Variants in PTPN5 observed in about 807,000 individuals in gnomAD.
The protein encoded by PTPN5 is tyrosine-protein phosphatase non-receptor type 5.
A neutral mutation model predicts 73.9 loss-of-function variants in PTPN5; 29 were observed. That is an observed-to-expected ratio of 0.39 (90% CI 0.29 to 0.54). PTPN5 has a LOEUF of 0.54. Among genes scored for constraint, PTPN5 ranks in the 20% least tolerant of loss-of-function variants. The probability of loss-of-function intolerance (pLI) is 0.65; values close to 1 mark genes in which losing one functional copy is unlikely to be tolerated. For missense variants in PTPN5, 652 were observed against 751.4 expected (o/e 0.87, Z 1.55); for synonymous variants, 267 against 304.7 (o/e 0.88, Z 1.29).
intron 1 of PTPN5, among the ~76,000 whole-genome samples, chr11:18,781,705 T>C (rs1162420961): frequency 6.6e-6 from 1 of 152,100 alleles, no homozygotes. Context: ...TAATCTTATA[T>C]CAATTTCTTT....
intron 3 of PTPN5, among the ~76,000 whole-genome samples, chr11:18,750,427 G>C (rs117873325): frequency 2.0e-5 from 3 of 152,070 alleles, no homozygotes; most frequent in African/African-American, 4.8e-5. Context: ...CATTCTGCCC[G>C]CCACACCACG....
At chr11:18,773,135 G>A (rs1447546766) in intron 1 of PTPN5, among the ~76,000 whole-genome samples, 2 of 152,240 alleles carry the variant, frequency 1.3e-5, no homozygotes, top group South Asian at 2.1e-4. Flanking sequence ...GGGGTGAACC[G>A]CTCACTTGGA....
chr11:18,740,197 G>A (rs1234158135), intron 8 of PTPN5, among the ~76,000 whole-genome samples: 1 of 152,076 alleles, frequency 6.6e-6, no homozygotes, highest in Non-Finnish European at 1.5e-5. Flanking sequence ...AACGAGGGGA[G>A]GCCACTAGAG....
chr11:18,779,978 G>A lies in PTPN5; in HGVS notation c.-113-7907C>T, dbSNP rs116355064. Among the ~76,000 whole-genome samples, 1,272 of 152,292 alleles carry A rather than the reference G, an allele frequency of 8.4e-3. 19 individuals are homozygous for A. The highest frequency in any genetic ancestry group is 0.029 in the African/African-American group (1,188 of 41,542). On this transcript the variant is annotated intron_variant, in intron 1 of 14. Coordinates refer to ENST00000358540, the MANE Select transcript of PTPN5 (RefSeq NM_006906.2). ...GAAGCGAGGGCTGTACATAGGGAGAGCTTGGCAGTCCTGGGCAGGCCTCCT... is the reference window on the plus strand; with the variant it reads ...GAAGCGAGGGCTGTACATAGGGAGAACTTGGCAGTCCTGGGCAGGCCTCCT...
intron 3 of PTPN5, among the ~76,000 whole-genome samples, chr11:18,745,878 G>A (rs1191617886): frequency 6.6e-6 from 1 of 151,956 alleles, no homozygotes; most frequent in East Asian, 1.9e-4. Context: ...TCAATCCAGG[G>A]CAGTCAGATA....
chr11:18,789,999 A>C (rs1851841493), intron 1 of PTPN5, among the ~76,000 whole-genome samples: 1 of 152,108 alleles, frequency 6.6e-6, no homozygotes, highest in Non-Finnish European at 1.5e-5. Flanking sequence ...GAGACTGAAC[A>C]CTGCCCTCCT....
chr11:18,763,503 A>G (rs747268714), intron 3 of PTPN5, among the ~76,000 whole-genome samples: 3 of 152,204 alleles, frequency 2.0e-5, no homozygotes, highest in Non-Finnish European at 4.4e-5. Context: ...TTCCATGACC[A>G]AAACTCTTCT....
In PTPN5 at chr11:18,728,905, G is replaced by A; in HGVS notation, c.*29C>T. The A allele has an allele frequency of 6.2e-7, 1 of 1,604,404 alleles. No individual in the cohort carries two copies. The highest frequency in any genetic ancestry group is 1.1e-5 in the South Asian group (1 of 89,658). On this transcript the variant is annotated 3_prime_UTR_variant, in exon 15 of 15. Coordinates refer to ENST00000358540, the MANE Select transcript of PTPN5 (RefSeq NM_006906.2). The surrounding 1 kb of genome is among the most constrained non-coding windows in gnomAD (Gnocchi z 4.1). ...AGGGCCGAGACTCAGGCTGGGCAGT[G>A]CCCAGAGAACCTTGTAGGAGAAGCG...
At chr11:18,753,576 T>TA (rs1590547786) in intron 3 of PTPN5, among the ~76,000 whole-genome samples, 2 of 151,912 alleles carry the variant, frequency 1.3e-5, no homozygotes, top group African/African-American at 4.8e-5. Context: ...CACCTTCTCC[T>TA]AGTTTTCTCT....
intron 1 of PTPN5, among the ~76,000 whole-genome samples, chr11:18,786,038 G>A (rs1324226933): frequency 6.6e-6 from 1 of 152,206 alleles, no homozygotes; most frequent in Non-Finnish European, 1.5e-5. Context: ...AGGAAGGAGG[G>A]TGGCTTCTGT....
At chr11:18,744,267 T>C in intron 3 of PTPN5, 68 bp from the exon 4 acceptor site, 1 of 1,351,934 alleles carries the variant, frequency 7.4e-7, no homozygotes, top group East Asian at 2.8e-5. Flanking sequence ...TGCCACCCCT[T>C]TTGGGGTGGC....
At chr11:18,741,665 T>G (rs544142326) in intron 7 of PTPN5, among the ~76,000 whole-genome samples, 2 of 152,126 alleles carry the variant, frequency 1.3e-5, no homozygotes, top group South Asian at 4.2e-4. Context: ...AGGTTCTAAT[T>G]GGGTACCCAG....
chr11:18,785,354 G>A (rs770885234), intron 1 of PTPN5, among the ~76,000 whole-genome samples: 1 of 152,084 alleles, frequency 6.6e-6, no homozygotes, highest in Non-Finnish European at 1.5e-5. Flanking sequence ...ATAAAGCAGG[G>A]GTCAGCCAAC....
chr11:18,784,372 T>C (rs1431072513), intron 1 of PTPN5, among the ~76,000 whole-genome samples: 1 of 151,984 alleles, frequency 6.6e-6, no homozygotes, highest in Non-Finnish European at 1.5e-5. Context: ...TTGAAAACAT[T>C]AGGCTAAGTG....
In PTPN5 at chr11:18,771,997, G is replaced by T; in HGVS notation, c.-39C>A. On this transcript the variant is annotated 5_prime_UTR_variant, in exon 2 of 15. It adds an upstream start codon to the 5' untranslated region. Coordinates refer to ENST00000358540, the MANE Select transcript of PTPN5 (RefSeq NM_006906.2). ...GGATGGGGAAGGGTGCCATCTTCCA[G>T]GGCAGGAAGCTTTCTCAGCAAAAAG... 6.5e-7 allele frequency: 1 copy of T among 1,527,330 alleles called. No homozygotes were observed. Among genetic ancestry groups the T allele is most frequent in the African/African-American group, 1.4e-5 (1 of 69,766 alleles). The allele number at this position is 1,527,330 out of a possible 1,614,324, so 94.6% of individuals were successfully genotyped here. A position where few individuals can be genotyped will look rare whatever the true frequency, so the allele number is the denominator to read the frequency against.
chr11:18,787,627 T>C (rs181774522), intron 1 of PTPN5, among the ~76,000 whole-genome samples: 10 of 152,308 alleles, frequency 6.6e-5, no homozygotes, highest in Admixed American at 4.6e-4. Flanking sequence ...CTTTTTAGAA[T>C]GCTGTTCCCC....
At chr11:18,764,533 C>A (rs1238444795) in intron 3 of PTPN5, among the ~76,000 whole-genome samples, 1 of 152,120 alleles carries the variant, frequency 6.6e-6, no homozygotes, top group Non-Finnish European at 1.5e-5. Flanking sequence ...GAATAAAATA[C>A]CACTTATTTT....
chr11:18,777,977 A>AG, intron 1 of PTPN5, among the ~76,000 whole-genome samples: 1 of 40,276 alleles, frequency 2.5e-5, no homozygotes, highest in South Asian at 1.7e-3. Flanking sequence ...GAAGGAAGGA[A>AG]GAAAGAAAGA....
chr11:18,731,451 G>A (rs920077251), intron 12 of PTPN5, among the ~76,000 whole-genome samples: 1 of 152,064 alleles, frequency 6.6e-6, no homozygotes. Context: ...AATGTCTTAT[G>A]GACAAAAGTA....
Sources: allele counts gnomAD v4.1 joint callset (sites outside exome capture counted in the v4.1 genomes callset), GRCh38; gene constraint gnomAD v4.1.1; non-coding constraint Gnocchi (gnomAD v3.1); transcripts MANE v1.5; gene names NCBI Gene and HGNC (gene_info 2026-07-23, HGNC 2026-07-21).